The following LMTK2 variants were observed in gnomAD, a reference collection of about 807,000 sequenced individuals.
LMTK2 encodes lemur tail kinase 2, also known as serine/threonine-protein kinase LMTK2.
In LMTK2, 37 loss-of-function variants were observed where a neutral mutation model predicts 127.5. That is an observed-to-expected ratio of 0.29 (90% CI 0.22 to 0.38). LMTK2 has a LOEUF of 0.38. Among genes scored for constraint, LMTK2 ranks in the 10% least tolerant of loss-of-function variants. LMTK2 has a pLI of 1.00. For missense variants in LMTK2, 1,694 were observed against 1,920.3 expected (o/e 0.88, Z 2.20); for synonymous variants, 819 against 810.1 (o/e 1.01, Z -0.19).
At chr7:98,199,388 T>C (rs1797676072) in intron 11 of LMTK2, among the ~76,000 whole-genome samples, 1 of 152,264 alleles carries the variant, frequency 6.6e-6, no homozygotes, top group South Asian at 2.1e-4. Context: ...TGCAGCTCTG[T>C]TGATGCATAT....
intron 1 of LMTK2, among the ~76,000 whole-genome samples, chr7:98,121,409 A>G (rs1213601383): frequency 6.7e-6 from 1 of 149,510 alleles, no homozygotes; most frequent in African/African-American, 2.5e-5. Context: ...CAGGTGGATC[A>G]TGAGGTTAGG....
rs1797602899 is a variant in LMTK2, at chr7:98,194,848, ATTTTTACT to A, written c.4107+277_4107+284del. Among the ~76,000 whole-genome samples, 1 of 152,016 alleles carries A rather than the reference ATTTTTACT, an allele frequency of 6.6e-6. No individual in the cohort carries two copies. Among genetic ancestry groups the A allele is most frequent in the African/African-American group, 2.4e-5 (1 of 41,376 alleles). The stretch of plus-strand genomic sequence containing the variant: ...GAATTAGTCACCCTTTACACACCAA[ATTTTTACT>A]GTTTTACTTTTTTATTTTTCTTTTG... On this transcript the variant is annotated intron_variant, in intron 11 of 13. Transcript: ENST00000297293. The surrounding 1 kb of genome is among the most constrained non-coding windows in gnomAD (Gnocchi z 5.4).
Position 98,205,509 on chromosome 7 carries a change from A to C in LMTK2, c.*17A>C. ...AAGGACTAGGTGGCTGCCAACGCGC[A>C]CGCTCGGGTCCGAGGCTGCTCCCCT... is the stretch of plus-strand genomic sequence containing the variant. On this transcript the variant is annotated 3_prime_UTR_variant, in exon 14 of 14. Coordinates refer to ENST00000297293, the MANE Select transcript of LMTK2 (RefSeq NM_014916.4). 6.2e-7 allele frequency: 1 copy of C among 1,612,096 alleles called. No individual in the cohort carries two copies. The highest frequency in any genetic ancestry group is 8.5e-7 in the Non-Finnish European group (1 of 1,179,952).
At chr7:98,108,983 T>A (rs970103780) in intron 1 of LMTK2, among the ~76,000 whole-genome samples, 1 of 150,028 alleles carries the variant, frequency 6.7e-6, no homozygotes, top group Non-Finnish European at 1.5e-5. Context: ...TGCCTCAGCC[T>A]CCTGTGTAGC....
chr7:98,161,429 T>G (rs1196663705), intron 6 of LMTK2, among the ~76,000 whole-genome samples: 3 of 152,190 alleles, frequency 2.0e-5, no homozygotes, highest in Non-Finnish European at 4.4e-5. Flanking sequence ...TGGAGGATGC[T>G]TATTCATTGG....
In LMTK2 at chr7:98,193,836, C is replaced by T. The variant is rs1797578415; in HGVS notation, c.3371C>T (p.Ser1124Phe). ...EKRSEEVPGT[S>F]PSALVLVQEQ... is the part of the protein sequence containing the mutation. ...AGGTCTGAGGAGGTCCCGGGAACCTCCCCATCCGCCTTGGTGTTGGTACAG... is the reference window on the plus strand; with the variant it reads ...AGGTCTGAGGAGGTCCCGGGAACCTTCCCATCCGCCTTGGTGTTGGTACAG... The change falls in exon 11 of 14, where the codon TCC becomes TTC. Residue 1124 changes from serine to phenylalanine, a missense_variant. Physicochemically the swap from Ser to Phe is radical, Grantham distance 155. This residue lies in a region of LMTK2 where 554 missense variants were observed against 567.7 expected (regional missense o/e 0.98). Transcript: ENST00000297293. This position sits in a 1 kb window ranked among gnomAD's most constrained non-coding sequence, Gnocchi z 4.1. 2 of 1,614,104 alleles carry T rather than the reference C, an allele frequency of 1.2e-6. No homozygotes were observed. Among genetic ancestry groups the T allele is most frequent in the African/African-American group, 1.3e-5 (1 of 75,032 alleles).
chr7:98,200,731 C>T (rs994342872), intron 11 of LMTK2, among the ~76,000 whole-genome samples: 4 of 152,144 alleles, frequency 2.6e-5, no homozygotes, highest in Non-Finnish European at 4.4e-5. Context: ...CATCCTCCTG[C>T]AGACTTTCAG....
intron 7 of LMTK2, among the ~76,000 whole-genome samples, chr7:98,174,103 G>GA (rs1562914489): frequency 3.4e-5 from 3 of 88,394 alleles, no homozygotes; most frequent in Non-Finnish European, 2.7e-5. Flanking sequence ...TCATTTTGTT[G>GA]TAAAAAAAAA....
At chr7:98,148,839 C>T (rs1335669196) in intron 3 of LMTK2, among the ~76,000 whole-genome samples, 1 of 152,346 alleles carries the variant, frequency 6.6e-6, no homozygotes, top group South Asian at 2.1e-4. Context: ...TGAAGACCAG[C>T]TCCAGCTGAA....
At chr7:98,112,110 C>G (rs1485553590) in intron 1 of LMTK2, among the ~76,000 whole-genome samples, 1 of 152,142 alleles carries the variant, frequency 6.6e-6, no homozygotes, top group East Asian at 1.9e-4. Flanking sequence ...CCTGATTAAC[C>G]CAGGTTGTAG....
chr7:98,204,329 C>A, intron 13 of LMTK2, 143 bp downstream of exon 13: 1 of 1,107,706 alleles, frequency 9.0e-7, no homozygotes, highest in Non-Finnish European at 1.3e-6. Flanking sequence ...TTTTATAAAA[C>A]TCCCATCATC....
intron 3 of LMTK2, 133 bp downstream of exon 3, chr7:98,141,674 A>G: frequency 1.1e-6 from 1 of 878,548 alleles, no homozygotes; most frequent in Non-Finnish European, 1.8e-6. Flanking sequence ...CTCCCAGTGA[A>G]GCTGAATTCT....
chr7:98,151,634 C>T (rs555978232), intron 4 of LMTK2, among the ~76,000 whole-genome samples, 179 bp downstream of exon 4: 3 of 152,344 alleles, frequency 2.0e-5, no homozygotes, highest in South Asian at 2.1e-4. Flanking sequence ...TGCTGTGTGT[C>T]GAGCCTTTTC....
chr7:98,199,716 A>G (rs1444736455), intron 11 of LMTK2, among the ~76,000 whole-genome samples: 1 of 152,202 alleles, frequency 6.6e-6, no homozygotes, highest in African/African-American at 2.4e-5. Context: ...GCTGGTCTCG[A>G]ACTCCTGAGC....
intron 2 of LMTK2, among the ~76,000 whole-genome samples, chr7:98,139,632 TTACGG>T (rs1391177819): frequency 3.3e-5 from 5 of 152,222 alleles, no homozygotes; most frequent in Admixed American, 3.3e-4. Context: ...CAGATTGAAG[TTACGG>T]TACCTCATTT....
chr7:98,140,192 CTGTCT>C (rs367562048), intron 2 of LMTK2, among the ~76,000 whole-genome samples: 56,153 of 66,778 alleles, frequency 0.84, 23,881 homozygotes, highest in Middle Eastern at 0.91. Flanking sequence ...TTTCTTCTTT[CTGTCT>C]TTGAGATGGT....
intron 1 of LMTK2, among the ~76,000 whole-genome samples, chr7:98,135,240 T>TC (rs1796580895): frequency 6.6e-6 from 1 of 152,232 alleles, no homozygotes. Flanking sequence ...AATAACCTCA[T>TC]TAATTTATCT....
chr7:98,111,704 A>T (rs908905126), intron 1 of LMTK2, among the ~76,000 whole-genome samples: 2 of 152,210 alleles, frequency 1.3e-5, no homozygotes, highest in Non-Finnish European at 2.9e-5. Flanking sequence ...GTTATCATCA[A>T]ATTGACTAAT....
Position 98,190,666 on chromosome 7 carries a change from A to T in LMTK2, c.999-62A>T, listed in dbSNP as rs984334032. ...TAAAATTACTGGCTATGTAACAAGT[A>T]TGAGTGTTAAAAATTTGACATCTAA... On this transcript the variant is annotated intron_variant, in intron 9 of 13. Transcript: ENST00000297293. 45 of 1,474,482 alleles carry T rather than the reference A, an allele frequency of 3.1e-5. 1 individual carries two copies. Among genetic ancestry groups the T allele is most frequent in the South Asian group, 4.6e-5 (4 of 87,820 alleles). The allele number at this position is 1,474,482 out of a possible 1,614,324, so 91.3% of individuals were successfully genotyped here.
Sources: gnomAD v4.1 joint callset for allele counts (sites outside exome capture counted in the v4.1 genomes callset) on GRCh38, gnomAD v4.1.1 for gene constraint, gnomAD v4.1.1 regional missense constraint, Gnocchi (gnomAD v3.1) non-coding constraint, MANE v1.5 for transcripts, NCBI Gene and HGNC (gene_info 2026-07-23, HGNC 2026-07-21) for gene names.